The following DSE variants were observed in gnomAD, a reference collection of about 807,000 sequenced individuals.
The protein encoded by DSE is dermatan-sulfate epimerase.
A neutral mutation model predicts 84.4 loss-of-function variants in DSE; 36 were observed. That is an observed-to-expected ratio of 0.43 (90% CI 0.33 to 0.56). The LOEUF (loss-of-function observed/expected upper bound fraction) is 0.56, where lower values mean the gene tolerates loss of function less well. Among genes scored for constraint, DSE ranks in the 20% least tolerant of loss-of-function variants. DSE has a pLI of 0.06. For synonymous variants in DSE, 410 were observed against 430.1 expected (o/e 0.95, Z 0.58); for missense variants, 862 against 1,169.6 (o/e 0.74, Z 3.84).
intron 2 of DSE, among the ~76,000 whole-genome samples, chr6:116,261,168 G>A (rs1006792797): frequency 2.0e-5 from 3 of 151,886 alleles, no homozygotes; most frequent in African/African-American, 7.3e-5. Context: ...GTGTTTTGTC[G>A]TTATCCTTGT....
intron 2 of DSE, among the ~76,000 whole-genome samples, chr6:116,406,601 A>G (rs1781945396): frequency 6.6e-6 from 1 of 152,254 alleles, no homozygotes; most frequent in Non-Finnish European, 1.5e-5. Flanking sequence ...AGTTCATGCT[A>G]ATGATAACTT....
At chr6:116,294,288 G>A (rs953217740) in intron 2 of DSE, among the ~76,000 whole-genome samples, 1 of 152,200 alleles carries the variant, frequency 6.6e-6, no homozygotes, top group African/African-American at 2.4e-5. Flanking sequence ...CTCCCAAAGT[G>A]TTGGGATTAT....
intron 2 of DSE, among the ~76,000 whole-genome samples, chr6:116,341,686 C>T (rs950100433): frequency 6.6e-6 from 1 of 152,152 alleles, no homozygotes; most frequent in African/African-American, 2.4e-5. Flanking sequence ...GTAAGGAAGG[C>T]ATCCAGTTTC....
intron 2 of DSE, among the ~76,000 whole-genome samples, chr6:116,349,121 AATAT>A (rs945608692): frequency 3.3e-5 from 5 of 152,108 alleles, no homozygotes; most frequent in Non-Finnish European, 5.9e-5. Flanking sequence ...GTATAACCAA[AATAT>A]ATATATACAC....
chr6:116,351,118 C>T (rs1374630887), intron 2 of DSE, among the ~76,000 whole-genome samples: 2 of 152,156 alleles, frequency 1.3e-5, no homozygotes, highest in African/African-American at 2.4e-5. Flanking sequence ...AGCAAGATTG[C>T]TTCTTTGTCT....
chr6:116,266,203 C>G (rs555004250), intron 2 of DSE, among the ~76,000 whole-genome samples: 1 of 152,324 alleles, frequency 6.6e-6, no homozygotes, highest in South Asian at 2.1e-4. Flanking sequence ...CAACTGCTAC[C>G]AGCAGAACAG....
intron 1 of DSE, chr6:116,256,845 T>A (rs1157130102): frequency 6.6e-6 from 1 of 152,174 alleles, no homozygotes; most frequent in African/African-American, 2.4e-5. Flanking sequence ...TAATATATAT[T>A]TTGTACACAG....
chr6:116,258,846 C>T (rs1772273716), exon 2 of DSE: 1 of 1,608,306 alleles, frequency 6.2e-7, no homozygotes. Context: ...TGACGATGCA[C>T]ACAGTCATGA....
rs546546744 is a variant in DSE, at chr6:116,357,228, T to G, written c.-53-41970T>G. ...GTGAGCCCCTCCCTGGCTCATGCCC[T>G]TTAGCCACAAAAACAAGTTATCAGC... On this transcript the variant is annotated intron_variant, in intron 2 of 3. Coordinates refer to the DSE transcript ENST00000430252. Among the ~76,000 whole-genome samples the G allele has an allele frequency of 2.0e-5, 3 of 152,256 alleles. No homozygotes were observed. The South Asian group carries it at 6.2e-4, about 32-fold the overall frequency.
intron 2 of DSE, chr6:116,279,687 C>G (rs1249694232): frequency 6.2e-7 from 1 of 1,609,976 alleles, no homozygotes; most frequent in Admixed American, 1.7e-5. Flanking sequence ...CCTCACCCGG[C>G]TCCGCCATCA....
intron 2 of DSE, among the ~76,000 whole-genome samples, chr6:116,259,398 G>A (rs189315217): frequency 1.3e-5 from 2 of 152,322 alleles, no homozygotes; most frequent in Admixed American, 1.3e-4. Flanking sequence ...GCTCTTCTGA[G>A]ATAGATTTTC....
chr6:116,279,487 A>G, intron 2 of DSE: 1 of 1,611,816 alleles, frequency 6.2e-7, no homozygotes, highest in Non-Finnish European at 8.5e-7. Flanking sequence ...GTCGGCTGCC[A>G]TCACCACAGA....
At chr6:116,425,633 T>TA (rs1438649061) in intron 2 of DSE, among the ~76,000 whole-genome samples, 1 of 148,862 alleles carries the variant, frequency 6.7e-6, no homozygotes, top group African/African-American at 2.4e-5. Context: ...TATTTTATTT[T>TA]TTTTTTTGAG....
At chr6:116,354,302 A>C (rs572379630) in intron 2 of DSE, among the ~76,000 whole-genome samples, 7 of 152,282 alleles carry the variant, frequency 4.6e-5, no homozygotes, top group African/African-American at 1.7e-4. Context: ...TGCTACTAGG[A>C]GCTTAGACAA....
At chr6:116,387,786 G>C (rs565168906) in intron 1 of DSE, among the ~76,000 whole-genome samples, 69 of 152,220 alleles carry the variant, frequency 4.5e-4, no homozygotes, top group African/African-American at 1.6e-3. Flanking sequence ...CACAGTAAAA[G>C]CAGTAAAAAT....
At chr6:116,321,967 C>A (rs535534081) in intron 2 of DSE, among the ~76,000 whole-genome samples, 1 of 151,970 alleles carries the variant, frequency 6.6e-6, no homozygotes, top group African/African-American at 2.4e-5. Context: ...CCTCAGACAC[C>A]GAGTTAAAGA....
intron 1 of DSE, among the ~76,000 whole-genome samples, chr6:116,257,862 G>A (rs914842420): frequency 1.3e-4 from 20 of 152,006 alleles, no homozygotes; most frequent in Non-Finnish European, 2.6e-4. Context: ...ATATATTAGA[G>A]GGGACAAAAA....
chr6:116,297,604 A>G (rs745388978), intron 2 of DSE, among the ~76,000 whole-genome samples: 8 of 152,226 alleles, frequency 5.3e-5, no homozygotes, highest in Admixed American at 3.3e-4. Context: ...TTTGTTAGAC[A>G]TACTACAAGA....
chr6:116,307,192 A>T (rs1775399786), intron 2 of DSE, among the ~76,000 whole-genome samples: 1 of 152,132 alleles, frequency 6.6e-6, no homozygotes, highest in Non-Finnish European at 1.5e-5. Flanking sequence ...ACCCATGGAG[A>T]CCTTAAGTCC....
Sources: gnomAD v4.1 joint callset for allele counts (sites outside exome capture counted in the v4.1 genomes callset) on GRCh38, gnomAD v4.1.1 for gene constraint, MANE v1.5 for transcripts, NCBI Gene and HGNC (gene_info 2026-07-23, HGNC 2026-07-21) for gene names.